Variants in FBXW8 observed in about 807,000 individuals in gnomAD.
FBXW8 encodes F-box and WD repeat domain containing 8, also known as F-box/WD repeat-containing protein 8.
In FBXW8, 57 loss-of-function variants were observed where a neutral mutation model predicts 65.3. That is an observed-to-expected ratio of 0.87 (90% CI 0.71 to 1.09). The LOEUF (loss-of-function observed/expected upper bound fraction) is 1.09. FBXW8 is among the 50% of genes least tolerant of loss of function. The pLI is 0.00. For synonymous variants in FBXW8, 308 were observed against 330.2 expected, an observed-to-expected ratio of 0.93 and a Z score of 0.73; for missense variants, 777 against 814.8, an observed-to-expected ratio of 0.95 and a Z score of 0.57.
intron 5 of FBXW8, among the ~76,000 whole-genome samples, chr12:116,966,433 A>C (rs1884330889): frequency 6.6e-6 from 1 of 152,172 alleles, no homozygotes; most frequent in Non-Finnish European, 1.5e-5. Flanking sequence ...CAAAGAAGCC[A>C]GGTAGGTTGA....
At chr12:117,017,409 G>C (rs961885566) in intron 8 of FBXW8, among the ~76,000 whole-genome samples, 14 of 152,160 alleles carry the variant, frequency 9.2e-5, no homozygotes, top group African/African-American at 3.4e-4. Context: ...CAGAGATACA[G>C]CCTTAAAATA....
chr12:116,953,062 G>A (rs1398248580), intron 4 of FBXW8, among the ~76,000 whole-genome samples: 1 of 152,096 alleles, frequency 6.6e-6, no homozygotes, highest in Non-Finnish European at 1.5e-5. Context: ...AAAACCATGA[G>A]TGGTATGTAA....
chr12:116,915,709 GTGGCATGATCT>G (rs1342855734), intron 1 of FBXW8, among the ~76,000 whole-genome samples: 2 of 142,154 alleles, frequency 1.4e-5, no homozygotes, highest in African/African-American at 5.2e-5. Context: ...CTGGAGTGCG[GTGGCATGATCT>G]TGGCTCACTG....
chr12:116,993,026 T>C (rs1428563300), intron 7 of FBXW8, among the ~76,000 whole-genome samples: 1 of 152,102 alleles, frequency 6.6e-6, no homozygotes, highest in Admixed American at 6.6e-5. Flanking sequence ...ATTGTGCTAG[T>C]TTACATTTCC....
rs987800123 is a variant in FBXW8 at position 116,958,900 on chromosome 12, G to C, written c.678-5797G>C. Among the ~76,000 whole-genome samples, 16 of 152,214 alleles carry C rather than the reference G, an allele frequency of 1.1e-4. 1 individual carries two copies. The highest frequency in any genetic ancestry group is 9.2e-4 in the Admixed American group (14 of 15,288). On this transcript the variant is annotated intron_variant, in intron 4 of 10. Coordinates refer to ENST00000652555, the MANE Select transcript of FBXW8 (RefSeq NM_153348.3). ...GCTTCAGAATCCTTCTCAACACAGA[G>C]CTCTAGGCAACCACTACCATGTACT...
chr12:116,964,514 C>T (rs1884189612), intron 4 of FBXW8, among the ~76,000 whole-genome samples, 183 bp from the exon 5 acceptor site: 1 of 152,206 alleles, frequency 6.6e-6, no homozygotes, highest in African/African-American at 2.4e-5. Flanking sequence ...AGCGTGTTCA[C>T]AGCCTTCTGT....
intron 8 of FBXW8, among the ~76,000 whole-genome samples, chr12:117,018,844 T>C (rs771372819): frequency 4.6e-5 from 7 of 152,218 alleles, no homozygotes; most frequent in Non-Finnish European, 1.0e-4. Flanking sequence ...GTGTTTGCCT[T>C]TGTCTCCTTA....
intron 1 of FBXW8, among the ~76,000 whole-genome samples, chr12:116,922,457 A>G (rs188445076): frequency 6.6e-6 from 1 of 152,310 alleles, no homozygotes; most frequent in African/African-American, 2.4e-5. Context: ...AGTTTCTTAA[A>G]CCACCACCCA....
At chr12:116,926,011 C>T (rs776311370) in intron 1 of FBXW8, among the ~76,000 whole-genome samples, 15 of 152,126 alleles carry the variant, frequency 9.9e-5, no homozygotes, top group Non-Finnish European at 1.5e-4. Context: ...TGCCAAGATA[C>T]GGGCATTGTC....
intron 3 of FBXW8, among the ~76,000 whole-genome samples, chr12:116,947,228 A>C (rs556563967): frequency 6.6e-6 from 1 of 152,294 alleles, no homozygotes; most frequent in South Asian, 2.1e-4. Flanking sequence ...ACAGGAAGTC[A>C]TGTGTTAGGT....
intron 2 of FBXW8, among the ~76,000 whole-genome samples, chr12:116,938,288 C>T (rs886419887): frequency 1.3e-5 from 2 of 152,154 alleles, no homozygotes; most frequent in Non-Finnish European, 2.9e-5. Context: ...ATTGTGGATA[C>T]AATCCTGATC....
chr12:116,937,070 G>T (rs1241663032), intron 2 of FBXW8, among the ~76,000 whole-genome samples: 1 of 152,122 alleles, frequency 6.6e-6, no homozygotes, highest in East Asian at 1.9e-4. Context: ...GAAGTGGACA[G>T]AGTCAGGATT....
Position 117,010,455 on chromosome 12 carries a change from G to C in FBXW8, c.1367+5G>C. 6.2e-7 allele frequency: 1 copy of C among 1,614,220 alleles called. No homozygotes were observed. Among genetic ancestry groups the C allele is most frequent in the East Asian group, 2.2e-5 (1 of 44,884 alleles). The stretch of plus-strand genomic sequence containing the variant: ...CAGTGGCAACATGGACGGGAGGTAC[G>C]TGAGTTGGAAGGGCATTGCCTTGCA... On this transcript the variant is annotated splice_donor_5th_base_variant and intron_variant, in intron 8 of 10. Transcript: ENST00000652555.
chr12:116,964,566 A>G (rs1884192354), intron 4 of FBXW8, 131 bp from the exon 5 acceptor site: 1 of 962,538 alleles, frequency 1.0e-6, no homozygotes, highest in African/African-American at 1.6e-5. Flanking sequence ...ACTCATCTAA[A>G]CAGTGCCTCA....
chr12:116,911,460 G>C (rs1162459189), intron 1 of FBXW8, 105 bp downstream of exon 1: 1 of 764,126 alleles, frequency 1.3e-6, no homozygotes, highest in Non-Finnish European at 1.8e-6. Context: ...CTAGTTGCCC[G>C]AGAAAATGAG....
intron 2 of FBXW8, among the ~76,000 whole-genome samples, chr12:116,941,187 ATTGCAGGATTG>A (rs1181446247): frequency 6.6e-6 from 1 of 152,208 alleles, no homozygotes; most frequent in African/African-American, 2.4e-5. Context: ...CACTGGAAGC[ATTGCAGGATTG>A]CCTGGGCCCC....
At chr12:116,930,131 C>T (rs970138052) in intron 2 of FBXW8, among the ~76,000 whole-genome samples, 2 of 152,116 alleles carry the variant, frequency 1.3e-5, no homozygotes, top group Non-Finnish European at 2.9e-5. Context: ...TTGCAATGAG[C>T]CTGGCAGTAC....
At chr12:116,921,153 G>A (rs963561375) in intron 1 of FBXW8, among the ~76,000 whole-genome samples, 1 of 152,180 alleles carries the variant, frequency 6.6e-6, no homozygotes, top group African/African-American at 2.4e-5. Flanking sequence ...ATGTCTTGAA[G>A]CTGGAAAGCC....
chr12:116,999,981 A>ATTT lies in FBXW8; in HGVS notation c.1240-10324_1240-10322dup, dbSNP rs71099027. On this transcript the variant is annotated intron_variant, in intron 7 of 10. Transcript: ENST00000652555. The stretch of plus-strand genomic sequence containing the variant: ...GTACAGAACACAGGGTCTGCATCTC[A>ATTT]TTTTTTTTTTTTTTTTTTTTGAGAC... 7.7e-4 allele frequency among the ~76,000 whole-genome samples: 99 copies of ATTT among 128,782 alleles called. 2 individuals carry two copies. Among genetic ancestry groups the ATTT allele is most frequent in the African/African-American group, 9.8e-4 (34 of 34,668 alleles). The allele number at this position is 128,782 out of a possible 152,430, so 84.5% of individuals were successfully genotyped here.
Sources: allele counts gnomAD v4.1 joint callset (sites outside exome capture counted in the v4.1 genomes callset), GRCh38; gene constraint gnomAD v4.1.1; transcripts MANE v1.5; gene names NCBI Gene and HGNC (gene_info 2026-07-23, HGNC 2026-07-21).